ABCA2: variants seen among roughly 807,000 people sequenced by gnomAD.
ABCA2 encodes ATP binding cassette subfamily A member 2.
Under a neutral mutation model 262.8 loss-of-function variants are expected in ABCA2, and 84 were observed. That is an observed-to-expected ratio of 0.32 (90% CI 0.27 to 0.38). The LOEUF is 0.38. Ranked by LOEUF, ABCA2 falls within the 10% of genes least tolerant of loss-of-function variation. ABCA2 has a pLI of 1.00. For missense variants in ABCA2, 2,662 were observed against 3,405.9 expected (o/e 0.78, Z 5.44); for synonymous variants, 1,696 against 1,502.9 (o/e 1.13, Z -2.97).
chr9:137,021,941 C>A lies in ABCA2; in HGVS notation c.628G>T (p.Gly210Cys). 4.4e-6 allele frequency: 7 copies of A among 1,605,754 alleles called. No homozygotes were observed. Among genetic ancestry groups the A allele is most frequent in the Non-Finnish European group, 5.9e-6 (7 of 1,177,250 alleles). Residue 210 changes from glycine to cysteine, a missense_variant, in exon 7 of 49, where the codon GGT becomes TGT. Gly to Cys is a radical substitution (Grantham distance 159). Around this residue, in one of 12 missense-constraint regions of ABCA2, gnomAD observed 403 missense variants for 375.9 expected, o/e 1.07. Transcript: ENST00000341511. The surrounding 1 kb of genome is among the most constrained non-coding windows in gnomAD (Gnocchi z 6.0). Reference sequence around the variant, plus strand: ...CCTAGGCGGCTCCAGGGCTCCTGACCCTTGTGGAGGCCAGACTGTGAATCC... The same window carrying A: ...CCTAGGCGGCTCCAGGGCTCCTGACACTTGTGGAGGCCAGACTGTGAATCC... Reference protein sequence around the residue: ...ALDSQSGLHKGQEPWSRLGGN... With the variant: ...ALDSQSGLHKCQEPWSRLGGN...
intron 3 of ABCA2, 51 bp downstream of exon 3, chr9:137,023,787 C>T: frequency 1.4e-6 from 1 of 735,762 alleles, no homozygotes; most frequent in Non-Finnish European, 2.5e-6. Context: ...GCCCATGGGC[C>T]CCCCGCAGCT....
At chr9:137,020,528 G>T in intron 9 of ABCA2, 33 bp from the exon 10 acceptor site, 1 of 1,560,206 alleles carries the variant, frequency 6.4e-7, no homozygotes, top group South Asian at 1.2e-5. Flanking sequence ...GGGCCAGGCC[G>T]TTAGGGGGCA....
upstream of ABCA2, chr9:137,028,758 T>A: frequency 7.8e-7 from 1 of 1,286,382 alleles, no homozygotes; most frequent in Non-Finnish European, 1.0e-6. This position sits in a 1 kb window ranked among gnomAD's most constrained non-coding sequence, Gnocchi z 6.9. Context: ...CGTCCCGCGA[T>A]TCCGAGCAGC....
chr9:137,016,781 G>A, intron 19 of ABCA2, 43 bp from the exon 20 acceptor site: 4 of 1,542,518 alleles, frequency 2.6e-6, no homozygotes, highest in Non-Finnish European at 3.5e-6. Flanking sequence ...TAGGGCCTGG[G>A]GTGACCATCC....
At chr9:137,024,356 G>A (rs1831580653) in intron 1 of ABCA2, 120 bp from the exon 2 acceptor site, 2 of 796,092 alleles carry the variant, frequency 2.5e-6, no homozygotes, top group Admixed American at 5.9e-5. Context: ...GCCAGGGAAG[G>A]TGGGCACAGG....
intron 1 of ABCA2, among the ~76,000 whole-genome samples, chr9:137,027,144 G>A (rs1179110236): frequency 6.6e-6 from 1 of 152,260 alleles, no homozygotes; most frequent in Non-Finnish European, 1.5e-5. Context: ...GCCCTGGCCT[G>A]GACAATCCCA....
chr9:137,011,313 C>CGGGGTGGCCGGGGTCAGGGGCACA lies in ABCA2; in HGVS notation c.5800-28_5800-5dup, dbSNP rs776336722. On this transcript the variant is annotated splice_region_variant and splice_polypyrimidine_tract_variant and intron_variant, in intron 37 of 48. Coordinates refer to ENST00000341511, the MANE Select transcript of ABCA2 (RefSeq NM_001606.5). This position sits in a 1 kb window ranked among gnomAD's most constrained non-coding sequence, Gnocchi z 8.8. Reference sequence around the variant, plus strand: ...AACTGTTGACAACCTTCAGGTCCTGCGGGGTGGCCGGGGTCAGGGGCACAG... The same window carrying CGGGGTGGCCGGGGTCAGGGGCACA: ...AACTGTTGACAACCTTCAGGTCCTGCGGGGTGGCCGGGGTCAGGGGCACAGGGGTGGCCGGGGTCAGGGGCACAG... The CGGGGTGGCCGGGGTCAGGGGCACA allele has an allele frequency of 3.1e-6, 5 of 1,605,110 alleles. No individual in the cohort carries two copies. The African/African-American group carries it at 4.0e-5, about 13-fold the overall frequency.
Position 137,016,928 on chromosome 9 carries a change from A to G in ABCA2, c.2750T>C (p.Val917Ala). The G allele has an allele frequency of 6.2e-7, 1 of 1,612,468 alleles. No individual in the cohort carries two copies. Among genetic ancestry groups the G allele is most frequent in the Non-Finnish European group, 8.5e-7 (1 of 1,179,894 alleles). ...CAAGGGCTGGCCAGTACCTGGGTGCACAGCCTCAATGTACCACGTGAGGAT... is the reference window on the plus strand; with the variant it reads ...CAAGGGCTGGCCAGTACCTGGGTGCGCAGCCTCAATGTACCACGTGAGGAT... ...YGILTWYIEAVHPGMYGLPRP... is the reference protein window; with the variant it reads ...YGILTWYIEAAHPGMYGLPRP... The change falls in exon 19 of 49, where the codon GTG becomes GCG. Residue 917 changes from valine (V) to alanine (A), a missense_variant. This residue lies in a region of ABCA2 where 133 missense variants were observed against 150.8 expected (regional missense o/e 0.88). Coordinates refer to ENST00000341511, the MANE Select transcript of ABCA2 (RefSeq NM_001606.5).
At chr9:137,010,422 C>T in intron 40 of ABCA2, 51 bp from the exon 41 acceptor site, 1 of 1,535,460 alleles carries the variant, frequency 6.5e-7, no homozygotes, top group Non-Finnish European at 8.8e-7. Flanking sequence ...CACCCTGCCC[C>T]TCTGGCCCCA....
rs553866299 is a variant in ABCA2 at position 137,023,344 on chromosome 9, CT to C, written c.164-293del. 2,067 of 684,288 alleles carry C rather than the reference CT, an allele frequency of 3.0e-3. 4 individuals are homozygous for C. The highest frequency in any genetic ancestry group is 4.2e-3 in the Non-Finnish European group (1,568 of 372,838). The allele number at this position is 684,288 out of a possible 1,614,324, so 42.4% of individuals were successfully genotyped here. ...TTCAGCCAGTGCAGGCCCACATGCCCTGGCACTCTCCCCCCGAAAACGTTTC... is the reference window on the plus strand; with the variant it reads ...TTCAGCCAGTGCAGGCCCACATGCCCGGCACTCTCCCCCCGAAAACGTTTC... On this transcript the variant is annotated intron_variant, in intron 3 of 48. Transcript: ENST00000341511.
In ABCA2 at chr9:137,014,988, T is replaced by G. The variant is rs1382306805; in HGVS notation, c.3807A>C (p.Ser1269=). The change falls in exon 25 of 49, where the codon TCA becomes TCC. Residue 1269 remains serine (S), a synonymous_variant. Transcript: ENST00000341511. ...RKHVASCLLV[S]DTSTELSYIL... ...TGTAGGAGAGCTCCGTGCTTGTGTC[T>G]GAGACCAGCAGGCAGGAGGCCACAT... The G allele has an allele frequency of 1.3e-6, 2 of 1,590,646 alleles. No homozygotes were observed.
Position 137,013,134 on chromosome 9 carries a change from AC to A in ABCA2, c.4734del (p.Glu1578AspfsTer94). ...GACAGTGGCAGCCCCTGTGTGAAGG[AC>A]TCCAGACACATGCTGTCGAAGAACC... ...AARFFDSMCL[E>X]SFTQGLPLSN... On this transcript the variant is annotated frameshift_variant, in exon 30 of 49. Transcript: ENST00000341511. LOFTEE classifies it high-confidence loss of function. The A allele has an allele frequency of 6.3e-7, 1 of 1,597,384 alleles. No homozygotes were observed.
Position 137,010,094 on chromosome 9 carries a change from C to T in ABCA2, c.6384G>A (p.Gln2128=). 1 of 1,597,740 alleles carries T rather than the reference C, an allele frequency of 6.3e-7. No individual in the cohort carries two copies. The highest frequency in any genetic ancestry group is 8.5e-7 in the Non-Finnish European group (1 of 1,177,044). ...CACACTGCGGGCAGTAGCCGAGGCT[C>T]TGCTGCACCTGGAGCAGCTCCTTCA... ...SVLKELLQVQ[Q]SLGYCPQCDA... The change falls in exon 42 of 49, where the codon CAG becomes CAA. Residue 2128 remains glutamine, a synonymous_variant. Transcript: ENST00000341511.
intron 1 of ABCA2, among the ~76,000 whole-genome samples, chr9:137,026,684 C>T (rs1005007076): frequency 1.4e-4 from 21 of 152,206 alleles, no homozygotes; most frequent in African/African-American, 4.8e-4. Context: ...CCCTCATAGG[C>T]CACACTCCCT....
chr9:137,013,470 C>A lies in ABCA2; in HGVS notation c.4541G>T (p.Arg1514Leu), dbSNP rs371050470. ...NFIPYANEER[R>L]EYRLRLSPDA... is the part of the protein sequence containing the mutation. ...CCGCTGGAGGCCTCACCGGTACTCG[C>A]GGCGCTCCTCGTTGGCGTAGGGGAT... Residue 1514 changes from arginine (R) to leucine (L), a missense_variant, in exon 29 of 49, where the codon CGC becomes CTC. Transcript: ENST00000341511. The A allele has an allele frequency of 4.4e-6, 7 of 1,605,794 alleles. No individual in the cohort carries two copies. Among genetic ancestry groups the A allele is most frequent in the African/African-American group, 1.3e-5 (1 of 74,892 alleles).
chr9:137,016,667 C>T lies in ABCA2; in HGVS notation c.2830G>A (p.Glu944Lys). ...CACGGCCAGCTCCACTCCCAGGCTTCTGTCCGCCCACTGCCCAGCCAGTAG... is the reference window on the plus strand; with the variant it reads ...CACGGCCAGCTCCACTCCCAGGCTTTTGTCCGCCCACTGCCCAGCCAGTAG... ...KSYWLGSGRT[E>K]AWEWSWPWAR... The change falls in exon 20 of 49, where the codon GAA becomes AAA. Residue 944 changes from glutamate (E) to lysine (K), a missense_variant. This residue lies in a region of ABCA2 where 133 missense variants were observed against 150.8 expected (regional missense o/e 0.88). Coordinates refer to ENST00000341511, the MANE Select transcript of ABCA2 (RefSeq NM_001606.5). 6.2e-7 allele frequency: 1 copy of T among 1,602,246 alleles called. No individual in the cohort carries two copies.
rs1490490153 is a variant in ABCA2 at position 137,021,625 on chromosome 9, G to A, written c.679-15C>T. ...AGCAGCAGCTCCTGGGATGGGCACA[G>A]GGGTCCGTGGAGCCACGGCAAGGAC... On this transcript the variant is annotated splice_polypyrimidine_tract_variant and intron_variant, in intron 7 of 48. Transcript: ENST00000341511. The surrounding 1 kb of genome is among the most constrained non-coding windows in gnomAD (Gnocchi z 6.0). 6.5e-7 allele frequency: 1 copy of A among 1,544,700 alleles called. No individual in the cohort carries two copies.
chr9:137,008,487 C>T lies in ABCA2; in HGVS notation c.7204G>A (p.Ala2402Thr), dbSNP rs537956669. The change falls in exon 48 of 49, where the codon GCA becomes ACA. Residue 2402 changes from alanine (A) to threonine (T), a missense_variant. Around this residue, in one of 12 missense-constraint regions of ABCA2, gnomAD observed 212 missense variants for 214.4 expected, o/e 0.99. Transcript: ENST00000341511. ...RPRSAPTELR[A>T]LVADEPEDLD... ...TCCTCGGGCTCGTCTGCCACAAGTG[C>T]CCGGAGCTCCGTGGGGGCAGACCGG... is the stretch of plus-strand genomic sequence containing the variant. The T allele has an allele frequency of 1.8e-5, 28 of 1,573,004 alleles. No homozygotes were observed. In the South Asian group the frequency reaches 2.9e-4, roughly 16 times the overall value.
chr9:137,009,520 AG>A lies in ABCA2; in HGVS notation c.6734+20del. Reference sequence around the variant, plus strand: ...GGTGCTGTGGGGTGGGGGCACAAAGAGGGGGTGGGGGCGCCCTCACCTGTGT... The same window carrying A: ...GGTGCTGTGGGGTGGGGGCACAAAGAGGGGTGGGGGCGCCCTCACCTGTGT... On this transcript the variant is annotated intron_variant, in intron 44 of 48. Transcript: ENST00000341511. The A allele has an allele frequency of 7.9e-7, 1 of 1,272,412 alleles. No homozygotes were observed. The allele number at this position is 1,272,412 out of a possible 1,614,324, so 78.8% of individuals were successfully genotyped here.
Sources: gnomAD v4.1 joint callset for allele counts (sites outside exome capture counted in the v4.1 genomes callset) on GRCh38, gnomAD v4.1.1 for gene constraint, gnomAD v4.1.1 regional missense constraint, Gnocchi (gnomAD v3.1) non-coding constraint, MANE v1.5 for transcripts, NCBI Gene and HGNC (gene_info 2026-07-23, HGNC 2026-07-21) for gene names.